Variants in CTDP1 observed in about 807,000 individuals in gnomAD.
CTDP1 encodes RNA polymerase II subunit A C-terminal domain phosphatase.
A neutral mutation model predicts 91.8 loss-of-function variants in CTDP1; 47 were observed. That is an observed-to-expected ratio of 0.51 (90% CI 0.41 to 0.65). CTDP1 has a LOEUF of 0.65. Among genes scored for constraint, CTDP1 ranks in the 30% least tolerant of loss-of-function variants. CTDP1 has a pLI of 0.00. For missense variants in CTDP1, 1,272 were observed against 1,373.7 expected (o/e 0.93, Z 1.17); for synonymous variants, 656 against 598.5 (o/e 1.10, Z -1.40).
intron 1 of CTDP1, among the ~76,000 whole-genome samples, chr18:79,687,198 C>G (rs369611000): frequency 2.4e-5 from 3 of 125,038 alleles, no homozygotes; most frequent in Admixed American, 7.7e-5. Context: ...GCCTGCACCG[C>G]AGCAGTTGGC....
intron 11 of CTDP1, chr18:79,735,940 G>C (rs1222594845): frequency 1.4e-5 from 3 of 209,982 alleles, no homozygotes; most frequent in African/African-American, 6.9e-5. Flanking sequence ...TGCTCTCCCA[G>C]ATTCCAGGAT....
intron 1 of CTDP1, among the ~76,000 whole-genome samples, chr18:79,689,796 C>A (rs1490063147): frequency 6.6e-6 from 1 of 152,168 alleles, no homozygotes; most frequent in African/African-American, 2.4e-5. Context: ...AGTAACATGT[C>A]TATTTAGCAG....
At chr18:79,742,174 TGAAGCATGAGAGAGAGAGAGAGA>T (rs1568217195) in intron 12 of CTDP1, among the ~76,000 whole-genome samples, 44 of 69,420 alleles carry the variant, frequency 6.3e-4, no homozygotes, top group African/African-American at 2.4e-3. Flanking sequence ...AGAGGAAGCA[TGAAGCATGAGAGAGAGAGAGAGA>T]GAGAGAGAGA....
intron 1 of CTDP1, among the ~76,000 whole-genome samples, chr18:79,693,160 G>A (rs759645112): frequency 1.8e-4 from 28 of 152,248 alleles, no homozygotes; most frequent in African/African-American, 6.3e-4. Flanking sequence ...GGGAGCAGGT[G>A]TCCCTGAGGC....
intron 6 of CTDP1, among the ~76,000 whole-genome samples, chr18:79,711,687 T>C (rs2086087022): frequency 6.6e-6 from 1 of 152,206 alleles, no homozygotes; most frequent in South Asian, 2.1e-4. Context: ...CCTAAGTCAC[T>C]TGACTATTAT....
intron 12 of CTDP1, among the ~76,000 whole-genome samples, chr18:79,752,346 C>T (rs62099609): frequency 4.5e-5 from 5 of 112,308 alleles, no homozygotes; most frequent in Non-Finnish European, 2.1e-5. Context: ...GCAGAGGCTC[C>T]TAAGGAAAGC....
intron 12 of CTDP1, among the ~76,000 whole-genome samples, chr18:79,743,907 G>A (rs1008963983): frequency 2.0e-5 from 3 of 152,194 alleles, no homozygotes; most frequent in African/African-American, 7.2e-5. Context: ...GAACTGCTCA[G>A]GGCCAGCCTG....
chr18:79,741,519 A>T (rs2086777813), intron 12 of CTDP1, among the ~76,000 whole-genome samples: 1 of 152,218 alleles, frequency 6.6e-6, no homozygotes, highest in South Asian at 2.1e-4. Flanking sequence ...ACAACAGCTG[A>T]TGATGGCTCC....
chr18:79,679,189 G>C (rs988767357), upstream of CTDP1: 1 of 330,978 alleles, frequency 3.0e-6, no homozygotes, highest in East Asian at 9.4e-5. Flanking sequence ...CGCCTGCGCG[G>C]GCCGAGGGCG....
chr18:79,696,214 T>C (rs1449253924), intron 3 of CTDP1, 144 bp downstream of exon 3: 22 of 760,138 alleles, frequency 2.9e-5, no homozygotes, highest in East Asian at 1.6e-4. Context: ...GGATGACTTA[T>C]GGGACTGCGG....
At chr18:79,754,725 G>GT (rs1242632899), downstream of CTDP1, 2 of 152,258 alleles carry the variant, frequency 1.3e-5, no homozygotes, top group African/African-American at 4.8e-5. Context: ...GGTTAAGTGT[G>GT]AAGAATTACT....
rs934693915 is a variant in CTDP1 at position 79,696,156 on chromosome 18, C to T, written c.492+86C>T. On this transcript the variant is annotated intron_variant, in intron 3 of 12. Coordinates refer to ENST00000613122, the MANE Select transcript of CTDP1 (RefSeq NM_004715.5). ...CAGGAGGAGGGTGGCTGCAGAAGCACGGACGTGTGGTTGTCATCGTCGTTA... is the reference window on the plus strand; with the variant it reads ...CAGGAGGAGGGTGGCTGCAGAAGCATGGACGTGTGGTTGTCATCGTCGTTA... 18 of 1,180,354 alleles carry T rather than the reference C, an allele frequency of 1.5e-5. No individual in the cohort carries two copies. In the Admixed American group the frequency reaches 2.5e-4, roughly 16 times the overall value. 73.1% of individuals were successfully genotyped at this position (1,180,354 alleles called of 1,614,324 possible). A position where few individuals can be genotyped will look rare whatever the true frequency, so the allele number is the denominator to read the frequency against.
intron 12 of CTDP1, among the ~76,000 whole-genome samples, chr18:79,742,051 G>A (rs1055194882): frequency 6.6e-6 from 1 of 152,124 alleles, no homozygotes; most frequent in Non-Finnish European, 1.5e-5. Flanking sequence ...AGGGCTGGGG[G>A]CCCAGAGGAA....
At chr18:79,734,069 C>A (rs962481526) in intron 11 of CTDP1, among the ~76,000 whole-genome samples, 2 of 152,234 alleles carry the variant, frequency 1.3e-5, no homozygotes, top group Admixed American at 6.5e-5. Context: ...GTGCAAGTGA[C>A]GTGTGTTTGG....
At chr18:79,708,619 G>A (rs1006312916) in intron 5 of CTDP1, among the ~76,000 whole-genome samples, 1 of 152,232 alleles carries the variant, frequency 6.6e-6, no homozygotes, top group South Asian at 2.1e-4. Context: ...TGCGTGGTTG[G>A]ACTTTGGGTT....
At chr18:79,707,310 T>A (rs1384657662) in intron 5 of CTDP1, among the ~76,000 whole-genome samples, 1 of 152,198 alleles carries the variant, frequency 6.6e-6, no homozygotes, top group Non-Finnish European at 1.5e-5. Flanking sequence ...ACGCCATGTT[T>A]CTTTATCAGC....
chr18:79,677,379 T>C (rs1030789065), upstream of CTDP1: 2 of 152,148 alleles, frequency 1.3e-5, no homozygotes, highest in African/African-American at 2.4e-5. Context: ...AGTGCCACTG[T>C]GTGGCCAAAG....
chr18:79,686,628 G>A (rs1177677990), intron 1 of CTDP1, among the ~76,000 whole-genome samples: 4 of 152,244 alleles, frequency 2.6e-5, no homozygotes, highest in Non-Finnish European at 5.9e-5. Context: ...TTGAAGTAGC[G>A]TTTAAAAGAC....
Position 79,717,965 on chromosome 18 carries a change from C to T in CTDP1, c.2366C>T (p.Pro789Leu), listed in dbSNP as rs1007276458. The change falls in exon 10 of 13, where the codon CCC becomes CTC. Residue 789 changes from proline (P) to leucine (L), a missense_variant. Physicochemically the swap from Pro to Leu is moderately conservative, Grantham distance 98 (BLOSUM62 -3). This residue lies in a region of CTDP1 where 881 missense variants were observed against 911.6 expected (regional missense o/e 0.97). Coordinates refer to ENST00000613122, the MANE Select transcript of CTDP1 (RefSeq NM_004715.5). Reference sequence around the variant, plus strand: ...CTCATCAGGACGGGCGCCCGGGGGCCCCCAGCACCCTCCAGCTCCCTACCC... The same window carrying T: ...CTCATCAGGACGGGCGCCCGGGGGCTCCCAGCACCCTCCAGCTCCCTACCC... ...GKLIRTGARG[P>L]PAPSSSLPIR... The T allele has an allele frequency of 6.2e-7, 1 of 1,613,528 alleles. No individual in the cohort carries two copies. Among genetic ancestry groups the T allele is most frequent in the South Asian group, 1.1e-5 (1 of 91,084 alleles).
Sources: gnomAD v4.1 joint callset for allele counts (sites outside exome capture counted in the v4.1 genomes callset) on GRCh38, gnomAD v4.1.1 for gene constraint, gnomAD v4.1.1 regional missense constraint, MANE v1.5 for transcripts, NCBI Gene and HGNC (gene_info 2026-07-23, HGNC 2026-07-21) for gene names.